The following MYO16 variants were observed in gnomAD, a reference collection of about 807,000 sequenced individuals.
MYO16 encodes the protein unconventional myosin-XVI.
A neutral mutation model predicts 205.3 loss-of-function variants in MYO16; 94 were observed. The ratio of observed to expected loss-of-function variants is 0.46; its 90% CI spans 0.39 to 0.54. MYO16 has a LOEUF of 0.54. MYO16 is among the 20% of genes least tolerant of loss of function. The pLI is 0.00. For missense variants in MYO16, 2,315 were observed against 2,387.5 expected (o/e 0.97, Z 0.63); for synonymous variants, 988 against 954.0 (o/e 1.04, Z -0.66).
At chr13:108,767,740 A>G (rs900482539) in intron 4 of MYO16, among the ~76,000 whole-genome samples, 2 of 152,170 alleles carry the variant, frequency 1.3e-5, no homozygotes, top group East Asian at 3.9e-4. Context: ...AGCATTTTCC[A>G]GTCTCCCTTC....
At chr13:108,915,576 C>T (rs530031097) in intron 16 of MYO16, among the ~76,000 whole-genome samples, 8 of 152,014 alleles carry the variant, frequency 5.3e-5, no homozygotes, top group South Asian at 2.1e-4. Context: ...ATTTGGGGAA[C>T]GAATGTAATT....
intron 12 of MYO16, among the ~76,000 whole-genome samples, chr13:108,872,099 G>T (rs904399005): frequency 6.6e-6 from 1 of 152,170 alleles, no homozygotes; most frequent in Non-Finnish European, 1.5e-5. Flanking sequence ...ATGCACCAAG[G>T]GGTGGGAGGG....
intron 16 of MYO16, among the ~76,000 whole-genome samples, chr13:108,915,755 G>A (rs189379641): frequency 8.5e-5 from 13 of 152,322 alleles, no homozygotes; most frequent in African/African-American, 1.9e-4. Flanking sequence ...GGAAATGATT[G>A]TGGTGCTGCA....
intron 16 of MYO16, among the ~76,000 whole-genome samples, chr13:108,924,213 G>A (rs1199163450): frequency 1.3e-5 from 2 of 152,178 alleles, no homozygotes; most frequent in South Asian, 2.1e-4. Flanking sequence ...AAAGTGTCAC[G>A]AGATATTGTA....
chr13:108,508,124 T>C, the MYO16 span, among the ~76,000 whole-genome samples: 1 of 152,158 alleles, frequency 6.6e-6, no homozygotes. Context: ...TCAAATTATT[T>C]GTTACATAAT....
rs573271602 is a variant in MYO16 at position 108,920,366 on chromosome 13, C to T, written c.1925+10216C>T. On this transcript the variant is annotated intron_variant, in intron 16 of 34. Coordinates refer to ENST00000457511, the MANE Select transcript of MYO16 (RefSeq NM_001198950.3). ...TTTTCTTTCTTTTTTCTTTCTTTCT[C>T]TCTTTCTTTCCTTCTCTCTCTCTCC... 5.4e-5 allele frequency among the ~76,000 whole-genome samples: 8 copies of T among 148,880 alleles called. No homozygotes were observed. The South Asian group carries it at 1.7e-3, about 32-fold the overall frequency.
At chr13:108,498,318 A>G in the MYO16 span, among the ~76,000 whole-genome samples, 46 of 152,300 alleles carry the variant, frequency 3.0e-4, no homozygotes, top group African/African-American at 1.1e-3. Flanking sequence ...AGACTTAGGT[A>G]ATTTTTTTTT....
chr13:108,644,394 A>G (rs1011044997), intron 1 of MYO16, among the ~76,000 whole-genome samples: 1 of 150,426 alleles, frequency 6.6e-6, no homozygotes, highest in African/African-American at 2.4e-5. Flanking sequence ...CTATCTATCT[A>G]TCTATCTATC....
intron 31 of MYO16, among the ~76,000 whole-genome samples, chr13:109,130,375 T>C (rs1876476792): frequency 6.6e-6 from 1 of 152,222 alleles, no homozygotes; most frequent in African/African-American, 2.4e-5. Context: ...TGTTCTTTCT[T>C]ACAGTACATA....
chr13:108,576,915 C>T, the MYO16 span, among the ~76,000 whole-genome samples: 6 of 152,080 alleles, frequency 3.9e-5, no homozygotes, highest in African/African-American at 1.4e-4. Flanking sequence ...CATACGCCAC[C>T]ACATCTGGCT....
chr13:109,140,797 G>A lies in MYO16; in HGVS notation c.4585G>A (p.Asp1529Asn), dbSNP rs1165903907. The A allele has an allele frequency of 1.9e-6, 3 of 1,549,108 alleles. No individual in the cohort carries two copies. The highest frequency in any genetic ancestry group is 1.7e-4 in the Middle Eastern group (1 of 5,734). The change falls in exon 32 of 35, where the codon GAC (aspartate) becomes AAC (asparagine). Residue 1529 changes from aspartate (D) to asparagine (N), a missense_variant. Transcript: ENST00000457511. The surrounding 1 kb of genome is among the most constrained non-coding windows in gnomAD (Gnocchi z 8.0). ...PTPVTCSPAS[D>N]ESPLTPLEVK... ...CCCCGTCACCTGCTCCCCCGCCTCCGACGAGTCGCCCCTGACACCCCTGGA... is the reference window on the plus strand; with the variant it reads ...CCCCGTCACCTGCTCCCCCGCCTCCAACGAGTCGCCCCTGACACCCCTGGA...
chr13:108,865,523 T>A (rs1386615177), intron 11 of MYO16, among the ~76,000 whole-genome samples: 1 of 152,100 alleles, frequency 6.6e-6, no homozygotes, highest in East Asian at 1.9e-4. Context: ...CTTTTCCCTT[T>A]TTTTTTAGTC....
Position 108,596,990 on chromosome 13 carries a change from C to T in MYO16, c.-39+751C>T, listed in dbSNP as rs1012874146. On this transcript the variant is annotated intron_variant, in intron 1 of 24. Transcript: ENST00000251041. ...AAGACAAATTCTTAAAGTGATGGAT[C>T]CTAAGTACGCTGATTTGGTTTGTAA... Among the ~76,000 whole-genome samples, 4 of 152,236 alleles carry T rather than the reference C, an allele frequency of 2.6e-5. 1 individual carries two copies. In the South Asian group the frequency reaches 6.2e-4, roughly 24 times the overall value.
At chr13:109,034,013 A>G (rs181208160) in intron 23 of MYO16, among the ~76,000 whole-genome samples, 260 of 152,232 alleles carry the variant, frequency 1.7e-3, no homozygotes, top group Admixed American at 2.4e-3. Flanking sequence ...GCCTCAATGC[A>G]TCTTAGGGCA....
chr13:109,098,784 C>G (rs982899262), intron 27 of MYO16, among the ~76,000 whole-genome samples: 2 of 152,134 alleles, frequency 1.3e-5, no homozygotes, highest in African/African-American at 2.4e-5. Flanking sequence ...AACCACTGAG[C>G]TGGTCATCAC....
intron 4 of MYO16, among the ~76,000 whole-genome samples, chr13:108,779,166 A>G (rs4771608): frequency 0.34 from 51,603 of 152,034 alleles, 9,963 homozygotes; most frequent in East Asian, 0.63. Context: ...CCTGTTTCCC[A>G]CTGGCATGCG....
chr13:109,137,731 G>A (rs544141712), intron 31 of MYO16, among the ~76,000 whole-genome samples: 4 of 151,860 alleles, frequency 2.6e-5, no homozygotes, highest in South Asian at 2.1e-4. Flanking sequence ...AGAACTGAGC[G>A]AAGCACTTTC....
chr13:108,912,763 C>T (rs1208271031), intron 16 of MYO16, among the ~76,000 whole-genome samples: 1 of 151,944 alleles, frequency 6.6e-6, no homozygotes, highest in East Asian at 1.9e-4. Flanking sequence ...GCTCCCAATC[C>T]TTCTAACGAG....
At chr13:108,625,175 C>T (rs76039269), upstream of MYO16, among the ~76,000 whole-genome samples, 14,417 of 152,028 alleles carry the variant, frequency 0.095, 837 homozygotes, top group Middle Eastern at 0.14. Flanking sequence ...CTTGAATGTC[C>T]GTTTGTTCTG....
Sources: gnomAD v4.1 joint callset for allele counts (sites outside exome capture counted in the v4.1 genomes callset) on GRCh38, gnomAD v4.1.1 for gene constraint, Gnocchi (gnomAD v3.1) non-coding constraint, MANE v1.5 for transcripts, NCBI Gene and HGNC (gene_info 2026-07-23, HGNC 2026-07-21) for gene names.